CNTN6: variants seen among roughly 807,000 people sequenced by gnomAD.
CNTN6 encodes the protein contactin 6.
A neutral mutation model predicts 122.8 loss-of-function variants in CNTN6; 137 were observed. The observed-to-expected ratio is 1.12, with a 90% CI of 0.97 to 1.29. The LOEUF (loss-of-function observed/expected upper bound fraction) is 1.29, where lower values mean the gene tolerates loss of function less well. Ranked by LOEUF, CNTN6 falls within the 50% of genes most tolerant of loss-of-function variation. The pLI is 0.00. For synonymous variants in CNTN6, 570 were observed against 426.0 expected (o/e 1.34, Z -4.16); for missense variants, 1,634 against 1,223.4 (o/e 1.34, Z -5.01).
chr3:1,270,841 G>A (rs999994176), intron 4 of CNTN6, among the ~76,000 whole-genome samples: 1 of 152,186 alleles, frequency 6.6e-6, no homozygotes, highest in Non-Finnish European at 1.5e-5. Flanking sequence ...GTATGGTCTG[G>A]TGGTTAAGCG....
intron 4 of CNTN6, among the ~76,000 whole-genome samples, chr3:1,232,816 G>A (rs563444509): frequency 6.6e-6 from 1 of 152,324 alleles, no homozygotes; most frequent in Non-Finnish European, 1.5e-5. Context: ...AAAAGGCAAG[G>A]GAAGCCTTTC....
intron 11 of CNTN6, among the ~76,000 whole-genome samples, chr3:1,343,355 T>C (rs1004749631): frequency 1.3e-5 from 2 of 152,144 alleles, no homozygotes; most frequent in East Asian, 3.9e-4. Context: ...GCCAACTCCA[T>C]TTCTTTGCAT....
At chr3:1,212,452 T>C (rs1460141136) in intron 2 of CNTN6, among the ~76,000 whole-genome samples, 1 of 151,336 alleles carries the variant, frequency 6.6e-6, no homozygotes. Context: ...AGTTTTTATA[T>C]GTGTGTGTAT....
chr3:1,241,168 A>C (rs543274004), intron 4 of CNTN6, among the ~76,000 whole-genome samples: 6 of 152,270 alleles, frequency 3.9e-5, no homozygotes, highest in Admixed American at 2.6e-4. Flanking sequence ...CAGTTACTTC[A>C]GGCCATCTGG....
chr3:1,373,893 C>G, intron 15 of CNTN6, 31 bp from the exon 16 acceptor site: 1 of 1,591,762 alleles, frequency 6.3e-7, no homozygotes, highest in Non-Finnish European at 8.6e-7. Context: ...GTAGTCCCAA[C>G]CTAGGTGCCT....
intron 12 of CNTN6, among the ~76,000 whole-genome samples, chr3:1,358,229 C>T (rs1706900095): frequency 6.6e-6 from 1 of 151,876 alleles, no homozygotes; most frequent in Non-Finnish European, 1.5e-5. Context: ...TGCATATATA[C>T]ATGTATGTAT....
chr3:1,102,829 C>G (rs150788865), intron 1 of CNTN6, among the ~76,000 whole-genome samples: 2 of 148,268 alleles, frequency 1.3e-5, no homozygotes, highest in East Asian at 2.0e-4. Context: ...ATGTCCAGGC[C>G]GGGAGCTGTG....
At chr3:1,135,496 C>T (rs2125116450) in intron 1 of CNTN6, among the ~76,000 whole-genome samples, 1 of 152,232 alleles carries the variant, frequency 6.6e-6, no homozygotes. Flanking sequence ...TTTCCTTCTC[C>T]TAATGGATAA....
At chr3:1,325,549 C>G (rs1287947957) in intron 8 of CNTN6, among the ~76,000 whole-genome samples, 1 of 151,782 alleles carries the variant, frequency 6.6e-6, no homozygotes, top group Non-Finnish European at 1.5e-5. Context: ...TGCCCTTTTC[C>G]CACAGCTCCC....
At chr3:1,384,768 T>TAAAC (rs1559989960) in intron 19 of CNTN6, among the ~76,000 whole-genome samples, 1 of 125,334 alleles carries the variant, frequency 8.0e-6, no homozygotes, top group Non-Finnish European at 1.6e-5. Flanking sequence ...TACATATATA[T>TAAAC]ACACATATAT....
chr3:1,273,814 A>G (rs1337582812), intron 4 of CNTN6, among the ~76,000 whole-genome samples: 1 of 152,232 alleles, frequency 6.6e-6, no homozygotes, highest in African/African-American at 2.4e-5. Flanking sequence ...ATTATGTCAC[A>G]AGCGGATGCT....
chr3:1,184,047 A>T (rs990413710), intron 2 of CNTN6, among the ~76,000 whole-genome samples: 1 of 152,190 alleles, frequency 6.6e-6, no homozygotes, highest in Non-Finnish European at 1.5e-5. Flanking sequence ...GCTTCATTAC[A>T]GTGTGCAATT....
intron 20 of CNTN6, among the ~76,000 whole-genome samples, chr3:1,386,978 ATAGAT>A (rs1386685791): frequency 1.3e-5 from 2 of 152,226 alleles, no homozygotes; most frequent in Non-Finnish European, 2.9e-5. Context: ...CCTTGATTAA[ATAGAT>A]TATCCAGTTA....
intron 19 of CNTN6, 63 bp from the exon 20 acceptor site, chr3:1,385,548 G>GT: frequency 7.4e-7 from 1 of 1,346,918 alleles, no homozygotes; most frequent in South Asian, 1.4e-5. Flanking sequence ...ATAGTTGTTG[G>GT]TAAAAAATGA....
intron 17 of CNTN6, among the ~76,000 whole-genome samples, chr3:1,379,372 A>G (rs1228437701): frequency 6.6e-6 from 1 of 152,118 alleles, no homozygotes. Flanking sequence ...CACAATGCTT[A>G]AAATATTTAC....
At chr3:1,341,336 T>G (rs1193122085) in intron 11 of CNTN6, among the ~76,000 whole-genome samples, 3 of 152,158 alleles carry the variant, frequency 2.0e-5, no homozygotes, top group South Asian at 4.1e-4. Flanking sequence ...CTTTTGTGTT[T>G]TCTCAGGCAT....
At chr3:1,169,536 C>A (rs946640483) in intron 2 of CNTN6, among the ~76,000 whole-genome samples, 9 of 152,118 alleles carry the variant, frequency 5.9e-5, no homozygotes, top group Non-Finnish European at 1.2e-4. Context: ...TAACGAGGGG[C>A]TAGAAAAATA....
intron 2 of CNTN6, among the ~76,000 whole-genome samples, chr3:1,167,997 C>A (rs71308001): frequency 6.6e-6 from 1 of 152,146 alleles, no homozygotes. Context: ...ACCTCCGCCT[C>A]CTGGGTTCAA....
chr3:1,261,652 G>T (rs982475943), intron 4 of CNTN6, among the ~76,000 whole-genome samples: 11 of 152,108 alleles, frequency 7.2e-5, no homozygotes. Context: ...GTCCCCCAAT[G>T]TGACAGGTAA....
Sources: allele counts gnomAD v4.1 joint callset (sites outside exome capture counted in the v4.1 genomes callset), GRCh38; gene constraint gnomAD v4.1.1; transcripts MANE v1.5; gene names NCBI Gene and HGNC (gene_info 2026-07-23, HGNC 2026-07-21).